The following CALN1 variants were observed in gnomAD, a reference collection of about 807,000 sequenced individuals.
CALN1 encodes the protein calneuron 1.
CALN1 carries 17 observed loss-of-function variants against 30.6 expected under a neutral mutation model. That is an observed-to-expected ratio of 0.56 (90% CI 0.38 to 0.83). The LOEUF (loss-of-function observed/expected upper bound fraction) is 0.83. Among genes scored for constraint, CALN1 ranks in the 40% least tolerant of loss-of-function variants. CALN1 has a pLI of 0.00. For synonymous variants in CALN1, 156 were observed against 131.4 expected (o/e 1.19, Z -1.28); for missense variants, 291 against 354.9 (o/e 0.82, Z 1.45).
chr7:72,469,438 C>T, the CALN1 span, among the ~76,000 whole-genome samples: 5 of 152,098 alleles, frequency 3.3e-5, no homozygotes, highest in African/African-American at 9.7e-5. Flanking sequence ...ACTCTGTCAC[C>T]CAGGCTGGAG....
intron 4 of CALN1, among the ~76,000 whole-genome samples, chr7:72,046,709 TAAAAAAAAA>T (rs59664699): frequency 7.7e-5 from 4 of 51,858 alleles, no homozygotes; most frequent in East Asian, 5.8e-4. Context: ...GACTCCCTCT[TAAAAAAAAA>T]AAAAAAAAAA....
chr7:72,286,266 T>G (rs1331799401), intron 2 of CALN1, among the ~76,000 whole-genome samples: 5 of 151,888 alleles, frequency 3.3e-5, no homozygotes, highest in Non-Finnish European at 7.4e-5. Flanking sequence ...CAAGGTCAAA[T>G]CCCACCACCA....
the CALN1 span, among the ~76,000 whole-genome samples, chr7:72,472,576 G>C: frequency 6.6e-6 from 1 of 152,094 alleles, no homozygotes; most frequent in Non-Finnish European, 1.5e-5. Flanking sequence ...CCTGAGGTCA[G>C]GAGTTCGAGA....
the CALN1 span, among the ~76,000 whole-genome samples, chr7:72,499,830 T>G: frequency 3.4e-5 from 1 of 29,510 alleles, no homozygotes; most frequent in South Asian, 1.3e-3. Flanking sequence ...TCCTTCCTTC[T>G]TTCTTTCTTT....
chr7:71,843,406 C>T (rs1790053931), intron 5 of CALN1, among the ~76,000 whole-genome samples: 1 of 152,062 alleles, frequency 6.6e-6, no homozygotes, highest in Non-Finnish European at 1.5e-5. Flanking sequence ...ATTGCTTGAG[C>T]TCAGGACTTC....
At position 71,929,968 on chromosome 7, in the gene CALN1, T is replaced by A. The variant is rs142263085; in HGVS notation, c.501+93689A>T. Among the ~76,000 whole-genome samples, 5 of 152,338 alleles carry A rather than the reference T, an allele frequency of 3.3e-5. No homozygotes were observed. In the East Asian group the frequency reaches 9.6e-4, roughly 29 times the overall value. ...ACCAAAATCCACGGCTGCTCAAGCATCTTATATAAAATGATGTCGTATTTG... is the reference window on the plus strand; with the variant it reads ...ACCAAAATCCACGGCTGCTCAAGCAACTTATATAAAATGATGTCGTATTTG... On this transcript the variant is annotated intron_variant, in intron 5 of 6. Transcript: ENST00000395275.
At chr7:71,934,331 A>G (rs528544718) in intron 5 of CALN1, among the ~76,000 whole-genome samples, 154 of 152,224 alleles carry the variant, frequency 1.0e-3, no homozygotes, top group Non-Finnish European at 1.9e-3. Context: ...AGTCACTGGT[A>G]TAGTCACTGA....
intron 4 of CALN1, among the ~76,000 whole-genome samples, chr7:72,080,505 T>G (rs1340491571): frequency 6.6e-6 from 1 of 152,116 alleles, no homozygotes; most frequent in Non-Finnish European, 1.5e-5. Context: ...ACATAGAGGG[T>G]GTTCAACTAA....
chr7:71,790,289 G>A (rs919792728), intron 6 of CALN1, among the ~76,000 whole-genome samples: 1 of 147,022 alleles, frequency 6.8e-6, no homozygotes, highest in African/African-American at 2.5e-5. Flanking sequence ...AGAAAGAAAC[G>A]AAGGAAGGAA....
At chr7:71,832,875 G>A (rs1274215578) in intron 5 of CALN1, among the ~76,000 whole-genome samples, 1 of 152,078 alleles carries the variant, frequency 6.6e-6, no homozygotes, top group Non-Finnish European at 1.5e-5. Context: ...CAAAGTGCTG[G>A]GATTACAGGC....
chr7:71,936,975 C>T (rs1050785983), intron 5 of CALN1, among the ~76,000 whole-genome samples: 1 of 152,144 alleles, frequency 6.6e-6, no homozygotes, highest in Non-Finnish European at 1.5e-5. Flanking sequence ...AGCCATGATT[C>T]TGAGGCCTCC....
chr7:72,256,173 G>T (rs1429532496), intron 3 of CALN1, among the ~76,000 whole-genome samples: 1 of 152,172 alleles, frequency 6.6e-6, no homozygotes, highest in Non-Finnish European at 1.5e-5. Context: ...AAGAATTCTT[G>T]CCTGGCCTGA....
At chr7:72,040,390 CA>C (rs758216746) in intron 4 of CALN1, among the ~76,000 whole-genome samples, 7 of 151,878 alleles carry the variant, frequency 4.6e-5, no homozygotes, top group Non-Finnish European at 1.0e-4. Context: ...AAGGCTGAGA[CA>C]GGAAGATCGC....
chr7:71,994,659 G>A (rs373592069), intron 5 of CALN1, among the ~76,000 whole-genome samples: 26 of 152,002 alleles, frequency 1.7e-4, no homozygotes, highest in East Asian at 1.9e-4. Context: ...TTTAATAGGC[G>A]AAAGAAAGAG....
At chr7:71,863,314 T>C (rs1460955206) in intron 5 of CALN1, among the ~76,000 whole-genome samples, 2 of 151,466 alleles carry the variant, frequency 1.3e-5, no homozygotes, top group African/African-American at 2.4e-5. Context: ...TCCCAGCACT[T>C]TGGGAGGCCA....
intron 2 of CALN1, among the ~76,000 whole-genome samples, chr7:72,399,133 A>C (rs1049651235): frequency 6.6e-6 from 1 of 152,204 alleles, no homozygotes; most frequent in Non-Finnish European, 1.5e-5. Flanking sequence ...TAGCAAAGAC[A>C]GGAGCGGACA....
chr7:72,207,704 T>C (rs1165508680), intron 3 of CALN1, among the ~76,000 whole-genome samples: 1 of 152,176 alleles, frequency 6.6e-6, no homozygotes, highest in African/African-American at 2.4e-5. Context: ...AACCCCATAA[T>C]TGAGAACAGT....
intron 3 of CALN1, among the ~76,000 whole-genome samples, chr7:72,138,534 A>G (rs1312885883): frequency 2.5e-5 from 3 of 121,314 alleles, no homozygotes; most frequent in Non-Finnish European, 5.0e-5. Flanking sequence ...TAACCAATTC[A>G]GCTGTGAGGA....
At chr7:71,973,744 A>G (rs1797964757) in intron 5 of CALN1, among the ~76,000 whole-genome samples, 1 of 152,094 alleles carries the variant, frequency 6.6e-6, no homozygotes, top group South Asian at 2.1e-4. Flanking sequence ...CTCCATTATC[A>G]CTGAAAATGA....
Sources: gnomAD v4.1 joint callset for allele counts (sites outside exome capture counted in the v4.1 genomes callset) on GRCh38, gnomAD v4.1.1 for gene constraint, MANE v1.5 for transcripts, NCBI Gene and HGNC (gene_info 2026-07-23, HGNC 2026-07-21) for gene names.